The following LPCAT1 variants were observed in gnomAD, a reference collection of about 807,000 sequenced individuals.
LPCAT1 encodes 1-acylglycerol-3-phosphate O-acyltransferase.
Under a neutral mutation model 60.9 loss-of-function variants are expected in LPCAT1, and 23 were observed. The ratio of observed to expected loss-of-function variants is 0.38; its 90% confidence interval spans 0.27 to 0.53. The LOEUF is 0.53. Ranked by LOEUF, LPCAT1 falls within the 20% of genes least tolerant of loss-of-function variation. The probability of loss-of-function intolerance (pLI) is 0.82; values close to 1 mark genes in which losing one functional copy is unlikely to be tolerated. For synonymous variants in LPCAT1, 340 were observed against 301.1 expected, an observed-to-expected ratio of 1.13 and a Z score of -1.34; for missense variants, 622 against 723.6, an observed-to-expected ratio of 0.86 and a Z score of 1.61.
At chr5:1,512,148 G>A (rs545008398) in intron 1 of LPCAT1, among the ~76,000 whole-genome samples, 45 of 152,308 alleles carry the variant, frequency 3.0e-4, no homozygotes, top group South Asian at 4.1e-4. Flanking sequence ...ACGGCCACCC[G>A]GACAGGGCTT....
At chr5:1,465,118 A>G (rs569136690) in intron 13 of LPCAT1, among the ~76,000 whole-genome samples, 25 of 95,406 alleles carry the variant, frequency 2.6e-4, no homozygotes, top group Admixed American at 1.1e-3. Context: ...ACACACATGC[A>G]CACACACACA....
intron 1 of LPCAT1, among the ~76,000 whole-genome samples, chr5:1,513,043 T>C (rs1455900183): frequency 6.6e-6 from 1 of 151,552 alleles, no homozygotes; most frequent in Non-Finnish European, 1.5e-5. Flanking sequence ...GAGTAGAGAG[T>C]GCAGAGCCCC....
Position 1,465,202 on chromosome 5 carries a change from CTA to C in LPCAT1, c.1421-1369_1421-1368del, listed in dbSNP as rs1397855993. The stretch of plus-strand genomic sequence containing the variant: ...AAACAAGCGCACGCGCACACAGTAA[CTA>C]AACACACATGCGTGCACACACACAA... On this transcript the variant is annotated intron_variant, in intron 13 of 13. Transcript: ENST00000283415. Among the ~76,000 whole-genome samples, 105 of 117,750 alleles carry C rather than the reference CTA, an allele frequency of 8.9e-4. 1 individual carries two copies. Among genetic ancestry groups the C allele is most frequent in the East Asian group, 2.7e-4 (1 of 3,658 alleles). 77.2% of individuals were successfully genotyped at this position (117,750 alleles called of 152,430 possible).
rs147043212 is a variant in LPCAT1 at position 1,464,300 on chromosome 5, C to T, written c.1421-465G>A. ...GGACTGCACTTCCTGGCCGCTGTGC[C>T]TGGCTCTCATGTGAGCGCCCTCGGC... On this transcript the variant is annotated intron_variant, in intron 13 of 13. Coordinates refer to ENST00000283415, the MANE Select transcript of LPCAT1 (RefSeq NM_024830.5). Among the ~76,000 whole-genome samples, 439 of 152,290 alleles carry T rather than the reference C, an allele frequency of 2.9e-3. 1 individual carries two copies. The highest frequency in any genetic ancestry group is 0.01 in the African/African-American group (416 of 41,566).
At chr5:1,494,304 A>T (rs1438615954) in intron 3 of LPCAT1, among the ~76,000 whole-genome samples, 3 of 152,232 alleles carry the variant, frequency 2.0e-5, no homozygotes, top group Admixed American at 1.3e-4. Flanking sequence ...AGGTAGCAAT[A>T]AAAATAACAA....
At chr5:1,499,598 T>G (rs1735931240) in intron 2 of LPCAT1, among the ~76,000 whole-genome samples, 1 of 152,202 alleles carries the variant, frequency 6.6e-6, no homozygotes, top group Non-Finnish European at 1.5e-5. Flanking sequence ...AAAGGCTAAA[T>G]GAAGAACTAA....
At position 1,495,142 on chromosome 5, in the gene LPCAT1, G is replaced by C. The variant is rs1046000192; in HGVS notation, c.279-228C>G. Among the ~76,000 whole-genome samples the C allele has an allele frequency of 2.6e-5, 4 of 152,216 alleles. No homozygotes were observed. Among genetic ancestry groups the C allele is most frequent in the African/African-American group, 2.4e-5 (1 of 41,442 alleles). On this transcript the variant is annotated intron_variant, in intron 2 of 13. Transcript: ENST00000283415. The surrounding 1 kb of genome is among the most constrained non-coding windows in gnomAD (Gnocchi z 4.7). ...CGCTCTCACCTACGAAGGAGGCCGC[G>C]GGGCCCTGTGTGGTGGTCACGGGCC...
intron 1 of LPCAT1, among the ~76,000 whole-genome samples, chr5:1,519,123 G>A (rs1736595404): frequency 6.6e-6 from 1 of 152,262 alleles, no homozygotes; most frequent in African/African-American, 2.4e-5. Context: ...GATGAAACAG[G>A]AGTGCAAAGA....
rs751048754 is a variant in LPCAT1 at position 1,494,818 on chromosome 5, G to T, written c.375C>A (p.Thr125=). 2.5e-6 allele frequency: 4 copies of T among 1,613,632 alleles called. No individual in the cohort carries two copies. The highest frequency in any genetic ancestry group is 3.4e-6 in the Non-Finnish European group (4 of 1,179,934). ...GCGCGAGCGTGAGGATGGCCGCCTC[G>T]GTGGGCAGCGCCTGCCGCCCCTTCA... The part of the protein sequence containing the change: ...VAVKGRQALP[T]EAAILTLAPH... The change falls in exon 3 of 14, where the codon ACC becomes ACA. Residue 125 remains threonine (T), a synonymous_variant. Transcript: ENST00000283415.
intron 2 of LPCAT1, 89 bp downstream of exon 2, chr5:1,501,372 G>A: frequency 2.0e-6 from 3 of 1,481,338 alleles, no homozygotes; most frequent in Non-Finnish European, 2.7e-6. Flanking sequence ...CTAGGGTGGA[G>A]ACACACAACC....
rs1309280623 is a variant in LPCAT1 at position 1,487,411 on chromosome 5, C to T, written c.667+980G>A. 2.0e-5 allele frequency among the ~76,000 whole-genome samples: 3 copies of T among 152,156 alleles called. No individual in the cohort carries two copies. Among genetic ancestry groups the T allele is most frequent in the Non-Finnish European group, 4.4e-5 (3 of 68,032 alleles). ...ACCCAGTACCTTCCAGTGAGCTGCA[C>T]CTTGAAGCCTCTGGAAGCAAAACCT... On this transcript the variant is annotated intron_variant, in intron 5 of 13. Coordinates refer to ENST00000283415, the MANE Select transcript of LPCAT1 (RefSeq NM_024830.5). This position sits in a 1 kb window ranked among gnomAD's most constrained non-coding sequence, Gnocchi z 6.1.
chr5:1,517,543 G>A (rs1298838854), intron 1 of LPCAT1, among the ~76,000 whole-genome samples: 2 of 152,238 alleles, frequency 1.3e-5, no homozygotes, highest in Non-Finnish European at 2.9e-5. Context: ...AGGAGGCACC[G>A]GGCATGGGCC....
intron 2 of LPCAT1, among the ~76,000 whole-genome samples, chr5:1,498,535 A>G (rs1401471889): frequency 6.6e-6 from 1 of 152,202 alleles, no homozygotes; most frequent in Non-Finnish European, 1.5e-5. Context: ...TCACATGCAC[A>G]CACACACTCA....
Position 1,523,873 on chromosome 5 carries a change from C to G in LPCAT1, c.-29G>C. On this transcript the variant is annotated 5_prime_UTR_variant, in exon 1 of 14. Transcript: ENST00000283415. This position sits in a 1 kb window ranked among gnomAD's most constrained non-coding sequence, Gnocchi z 7.1. ...CGCGCCGTCCCGCGGCGAGCGCAGC[C>G]GAGCTGCCTGGGGCGCCGAGCGGGG... 9.6e-7 allele frequency: 1 copy of G among 1,038,600 alleles called. No homozygotes were observed. The highest frequency in any genetic ancestry group is 1.2e-6 in the Non-Finnish European group (1 of 866,058). 64.3% of individuals were successfully genotyped at this position (1,038,600 alleles called of 1,614,324 possible).
intron 3 of LPCAT1, among the ~76,000 whole-genome samples, chr5:1,494,146 C>T (rs1323431429): frequency 9.1e-6 from 1 of 110,132 alleles, no homozygotes; most frequent in Non-Finnish European, 1.8e-5. Flanking sequence ...TGCTCAGGTC[C>T]CTGGTTCACG....
chr5:1,503,655 C>A (rs117894758), intron 1 of LPCAT1, among the ~76,000 whole-genome samples: 1 of 152,248 alleles, frequency 6.6e-6, no homozygotes, highest in Non-Finnish European at 1.5e-5. Context: ...AGTCGCCCTA[C>A]GAAACCAGCG....
At position 1,490,229 on chromosome 5, in the gene LPCAT1, C is replaced by A. The variant is rs116377398; in HGVS notation, c.494-371G>T. Among the ~76,000 whole-genome samples, 902 of 152,328 alleles carry A rather than the reference C, an allele frequency of 5.9e-3. 14 individuals carry two copies. The highest frequency in any genetic ancestry group is 0.041 in the South Asian group (196 of 4,824). ...GAAGGTGCCAGGTCCCTAGATTGGA[C>A]CCCGCCTTCCCCCTGTGGGTTGAAC... is the stretch of plus-strand genomic sequence containing the variant. On this transcript the variant is annotated intron_variant, in intron 3 of 13. Transcript: ENST00000283415.
In LPCAT1 at chr5:1,487,127, C is replaced by A. The variant is rs1560970471; in HGVS notation, c.667+1264G>T. Reference sequence around the variant, plus strand: ...GAACACCTGCCCTTGAAGACAGGGCCCAGCAGTGACCCCAGCCCCACACCT... The same window carrying A: ...GAACACCTGCCCTTGAAGACAGGGCACAGCAGTGACCCCAGCCCCACACCT... On this transcript the variant is annotated intron_variant, in intron 5 of 13. Coordinates refer to ENST00000283415, the MANE Select transcript of LPCAT1 (RefSeq NM_024830.5). This position sits in a 1 kb window ranked among gnomAD's most constrained non-coding sequence, Gnocchi z 6.1. 6.6e-6 allele frequency among the ~76,000 whole-genome samples: 1 copy of A among 152,182 alleles called. No individual in the cohort carries two copies. The highest frequency in any genetic ancestry group is 2.4e-5 in the African/African-American group (1 of 41,438).
At chr5:1,513,677 G>A (rs1036517279) in intron 1 of LPCAT1, among the ~76,000 whole-genome samples, 1 of 150,894 alleles carries the variant, frequency 6.6e-6, no homozygotes, top group African/African-American at 2.5e-5. Context: ...GCTCTCACCC[G>A]TGGGGCGGGA....
Sources: allele counts gnomAD v4.1 joint callset (sites outside exome capture counted in the v4.1 genomes callset), GRCh38; gene constraint gnomAD v4.1.1; non-coding constraint Gnocchi (gnomAD v3.1); transcripts MANE v1.5; gene names NCBI Gene and HGNC (gene_info 2026-07-23, HGNC 2026-07-21).